The following MICOS10 variants were observed in gnomAD, a reference collection of about 807,000 sequenced individuals.
The protein encoded by MICOS10 is MICOS complex subunit MIC10.
A neutral mutation model predicts 13.4 loss-of-function variants in MICOS10; 5 were observed. The observed-to-expected ratio is 0.37, with a 90% CI of 0.20 to 0.78. MICOS10 has a LOEUF of 0.78. Among genes scored for constraint, MICOS10 ranks in the 30% least tolerant of loss-of-function variants. The pLI is 0.47. For synonymous variants in MICOS10, 35 were observed against 33.6 expected (o/e 1.04, Z -0.15); for missense variants, 101 against 94.6 (o/e 1.07, Z -0.28).
chr1:19,617,342 G>GT, intron 1 of MICOS10: 18 of 981,428 alleles, frequency 1.8e-5, no homozygotes, highest in Non-Finnish European at 2.2e-5. Context: ...GAAGGGTAAG[G>GT]TCTTGTAAAA....
At chr1:19,625,262 C>A in intron 3 of MICOS10, 1 of 972,770 alleles carries the variant, frequency 1.0e-6, no homozygotes, top group Non-Finnish European at 1.4e-6. Context: ...CATTGTTCCA[C>A]TGTAACAACA....
In MICOS10 at chr1:19,608,174, G is replaced by A. The variant is rs767958017; in HGVS notation, c.64+11065G>A. ...ACAGGTCATCAACCTCGGACCTCAGGTGGCTGAAGGGGAGAATGTATTTGG... is the reference window on the plus strand; with the variant it reads ...ACAGGTCATCAACCTCGGACCTCAGATGGCTGAAGGGGAGAATGTATTTGG... On this transcript the variant is annotated intron_variant, in intron 1 of 3. Coordinates refer to ENST00000322753, the MANE Select transcript of MICOS10 (RefSeq NM_001032363.4). 9 of 1,323,694 alleles carry A rather than the reference G, an allele frequency of 6.8e-6. No homozygotes were observed. The East Asian group carries it at 9.2e-5, about 13-fold the overall frequency. 82.0% of individuals were successfully genotyped at this position (1,323,694 alleles called of 1,614,324 possible).
intron 1 of MICOS10, among the ~76,000 whole-genome samples, chr1:19,605,650 T>G (rs2094831870): frequency 2.0e-5 from 3 of 152,262 alleles, no homozygotes; most frequent in Admixed American, 2.0e-4. Context: ...TGTTTATCCA[T>G]TTGTCAGTTG....
chr1:19,616,112 C>T (rs1273240874), intron 1 of MICOS10, among the ~76,000 whole-genome samples: 5 of 152,016 alleles, frequency 3.3e-5, no homozygotes. Flanking sequence ...AGATGGGGTT[C>T]ACCACGTTGG....
chr1:19,626,320 C>G (rs374123374), intron 3 of MICOS10, 67 bp from the exon 4 acceptor site: 14 of 1,605,120 alleles, frequency 8.7e-6, no homozygotes, highest in Non-Finnish European at 1.2e-5. Flanking sequence ...TGACCTGATA[C>G]AGCAATTAGA....
Position 19,626,673 on chromosome 1 carries a change from A to T in MICOS10, c.*272A>T. On this transcript the variant is annotated 3_prime_UTR_variant, in exon 4 of 4. Coordinates refer to ENST00000322753, the MANE Select transcript of MICOS10 (RefSeq NM_001032363.4). ...GTTTCTTCACCTTTGGTCTCTGAGC[A>T]TGAGGAGGACTGTGTGTGAACTGCC... is the stretch of plus-strand genomic sequence containing the variant. The T allele has an allele frequency of 6.8e-6, 3 of 438,808 alleles. No homozygotes were observed. Among genetic ancestry groups the T allele is most frequent in the Non-Finnish European group, 1.3e-5 (3 of 235,896 alleles). 27.2% of individuals were successfully genotyped at this position (438,808 alleles called of 1,614,324 possible).
chr1:19,606,776 G>A (rs1160583869), intron 1 of MICOS10, among the ~76,000 whole-genome samples: 1 of 151,836 alleles, frequency 6.6e-6, no homozygotes. Context: ...AAAAAAAGTA[G>A]GACAGTAAAA....
At position 19,611,467 on chromosome 1, in the gene MICOS10, T is replaced by G. The variant is rs140292931; in HGVS notation, c.65-10633T>G. 4.4e-3 allele frequency among the ~76,000 whole-genome samples: 547 copies of G among 123,548 alleles called. 3 individuals carry two copies. The highest frequency in any genetic ancestry group is 0.017 in the African/African-American group (521 of 30,908). 81.1% of individuals were successfully genotyped at this position (123,548 alleles called of 152,430 possible). A position where few individuals can be genotyped will look rare whatever the true frequency, so the allele number is the denominator to read the frequency against. On this transcript the variant is annotated intron_variant, in intron 1 of 3. Transcript: ENST00000322753. ...CTTTCTCTTTATTCCAGTTGCAACT[T>G]GATTTTTTTTTTTTTTTTTTTTTTG... is the stretch of plus-strand genomic sequence containing the variant.
rs1348552078 is a variant in MICOS10 at position 19,600,234 on chromosome 1, A to G, written c.64+3125A>G. ...AGTCTGACCTGTTAGACTGGAATAAATGGGCATATTTGAGAAATTTCAAAC... is the reference window on the plus strand; with the variant it reads ...AGTCTGACCTGTTAGACTGGAATAAGTGGGCATATTTGAGAAATTTCAAAC... On this transcript the variant is annotated intron_variant, in intron 1 of 3. Transcript: ENST00000322753. 2.6e-5 allele frequency among the ~76,000 whole-genome samples: 4 copies of G among 152,192 alleles called. No individual in the cohort carries two copies. The East Asian group carries it at 5.8e-4, about 22-fold the overall frequency.
intron 1 of MICOS10, chr1:19,601,217 A>T: frequency 2.9e-6 from 1 of 349,704 alleles, no homozygotes; most frequent in Non-Finnish European, 5.6e-6. Context: ...GAAAATTATC[A>T]TATGATTTTG....
rs2094922455 is a variant in MICOS10, at chr1:19,626,467, G to A, written c.*66G>A. The A allele has an allele frequency of 1.5e-5, 24 of 1,554,808 alleles. No individual in the cohort carries two copies. The South Asian group carries it at 2.5e-4, about 16-fold the overall frequency. ...ATGTTTATTCCTCAGGAATACTGAAGTGCCCTGGAGTAAGCTGCCATTCTT... is the reference window on the plus strand; with the variant it reads ...ATGTTTATTCCTCAGGAATACTGAAATGCCCTGGAGTAAGCTGCCATTCTT... On this transcript the variant is annotated 3_prime_UTR_variant, in exon 4 of 4. Coordinates refer to ENST00000322753, the MANE Select transcript of MICOS10 (RefSeq NM_001032363.4).
intron 3 of MICOS10, chr1:19,625,605 C>T (rs1187815231): frequency 7.8e-7 from 1 of 1,289,344 alleles, no homozygotes; most frequent in Admixed American, 2.3e-5. Flanking sequence ...GTGGGGAGAA[C>T]CGAAAGGAGC....
Position 19,629,469 on chromosome 1 carries a change from A to G in MICOS10, c.*3068A>G, listed in dbSNP as rs1369668954. ...AATGACTTTGGCATTCCATGTACCC[A>G]CTAGGGGAAGCTTTATCAGGCTGCA... On this transcript the variant is annotated 3_prime_UTR_variant, in exon 4 of 4. Coordinates refer to ENST00000322753, the MANE Select transcript of MICOS10 (RefSeq NM_001032363.4). 1.3e-5 allele frequency: 2 copies of G among 152,228 alleles called. No homozygotes were observed. The highest frequency in any genetic ancestry group is 1.5e-5 in the Non-Finnish European group (1 of 68,038). The allele number at this position is 152,228 out of a possible 1,614,324, so 9.4% of individuals were successfully genotyped here. A position where few individuals can be genotyped will look rare whatever the true frequency, so the allele number is the denominator to read the frequency against.
At chr1:19,611,194 C>T (rs2094859664) in intron 1 of MICOS10, among the ~76,000 whole-genome samples, 1 of 152,022 alleles carries the variant, frequency 6.6e-6, no homozygotes, top group Admixed American at 6.6e-5. Flanking sequence ...TCAAGTGATC[C>T]CCCAACTTCA....
chr1:19,608,565 G>A, intron 1 of MICOS10: 1 of 884,960 alleles, frequency 1.1e-6, no homozygotes, highest in South Asian at 1.3e-5. Flanking sequence ...GTCGCCGTCT[G>A]TGAACAAGAT....
intron 1 of MICOS10, among the ~76,000 whole-genome samples, chr1:19,609,671 A>T (rs1284378389): frequency 6.6e-6 from 1 of 152,264 alleles, no homozygotes; most frequent in African/African-American, 2.4e-5. Flanking sequence ...AACTATTGTT[A>T]TATAAAACAA....
intron 3 of MICOS10, 38 bp downstream of exon 3, chr1:19,623,621 A>G (rs1210933223): frequency 2.1e-6 from 3 of 1,447,218 alleles, no homozygotes; most frequent in African/African-American, 2.8e-5. Context: ...CCTTCAGAAG[A>G]AAAAGATTTC....
At chr1:19,613,865 C>T (rs955438553) in intron 1 of MICOS10, among the ~76,000 whole-genome samples, 4 of 152,100 alleles carry the variant, frequency 2.6e-5, no homozygotes, top group Non-Finnish European at 5.9e-5. Flanking sequence ...CTCCATGGCT[C>T]ACATCTCACA....
At chr1:19,600,126 A>T (rs1434710333) in intron 1 of MICOS10, among the ~76,000 whole-genome samples, 1 of 152,226 alleles carries the variant, frequency 6.6e-6, no homozygotes, top group African/African-American at 2.4e-5. Context: ...CCAACCTAGT[A>T]AATGAAATTT....
Sources: allele counts gnomAD v4.1 joint callset (sites outside exome capture counted in the v4.1 genomes callset), GRCh38; gene constraint gnomAD v4.1.1; transcripts MANE v1.5; gene names NCBI Gene and HGNC (gene_info 2026-07-23, HGNC 2026-07-21).